Variants in CLEC2A observed in about 807,000 individuals in gnomAD.
CLEC2A encodes keratinocyte-associated C-type lectin.
In CLEC2A, 19 loss-of-function variants were observed where a neutral mutation model predicts 18.6. That is an observed-to-expected ratio of 1.02 (90% CI 0.71 to 1.50). The LOEUF (loss-of-function observed/expected upper bound fraction) is 1.50. CLEC2A is among the 40% of genes most tolerant of loss of function. The pLI is 0.00. For synonymous variants in CLEC2A, 74 were observed against 64.0 expected (o/e 1.16, Z -0.75); for missense variants, 190 against 207.9 (o/e 0.91, Z 0.53).
chr12:9,915,398 C>T (rs1168685860), intron 4 of CLEC2A, among the ~76,000 whole-genome samples: 1 of 152,058 alleles, frequency 6.6e-6, no homozygotes. Flanking sequence ...AAGACATATG[C>T]ACACATATGT....
intron 2 of CLEC2A, among the ~76,000 whole-genome samples, chr12:9,925,417 G>C (rs974563761): frequency 6.6e-6 from 1 of 152,164 alleles, no homozygotes; most frequent in Admixed American, 6.5e-5. Flanking sequence ...AAGCATTAGA[G>C]TTATACAGCC....
chr12:9,896,946 G>T (rs143005290), downstream of CLEC2A, among the ~76,000 whole-genome samples: 2 of 147,738 alleles, frequency 1.4e-5, no homozygotes, highest in Non-Finnish European at 3.0e-5. Flanking sequence ...TGCAACCTCC[G>T]CCTCCCAGGT....
downstream of CLEC2A, among the ~76,000 whole-genome samples, chr12:9,909,667 G>A (rs903458353): frequency 6.6e-6 from 1 of 152,226 alleles, no homozygotes; most frequent in African/African-American, 2.4e-5. Context: ...CCCAGGGATA[G>A]GGGATAAAGG....
At chr12:9,906,881 A>T (rs1862915229) in intron 4 of CLEC2A, among the ~76,000 whole-genome samples, 1 of 152,216 alleles carries the variant, frequency 6.6e-6, no homozygotes, top group South Asian at 2.1e-4. Flanking sequence ...CCCTGTTAAG[A>T]AACCTGCTGG....
chr12:9,905,022 A>G (rs1193610696), intron 4 of CLEC2A, among the ~76,000 whole-genome samples: 1 of 152,204 alleles, frequency 6.6e-6, no homozygotes, highest in African/African-American at 2.4e-5. Flanking sequence ...TCTCCACATG[A>G]GATAACTGAA....
chr12:9,898,266 C>T (rs1410816782), downstream of CLEC2A, among the ~76,000 whole-genome samples: 2 of 152,184 alleles, frequency 1.3e-5, no homozygotes, highest in African/African-American at 4.8e-5. Flanking sequence ...CCTCCTGGTC[C>T]TCAAAAGTGA....
chr12:9,883,116 C>T, the CLEC2A span, among the ~76,000 whole-genome samples: 276 of 152,290 alleles, frequency 1.8e-3, 3 homozygotes, highest in Admixed American at 0.017. Context: ...GCTTGCTATA[C>T]ATTTGCTTCC....
At chr12:9,913,031 A>T (rs1047763994), downstream of CLEC2A, among the ~76,000 whole-genome samples, 4 of 152,214 alleles carry the variant, frequency 2.6e-5, no homozygotes, top group Non-Finnish European at 1.5e-5. Flanking sequence ...AATGCCCTAT[A>T]GAATTTAAAT....
intron 4 of CLEC2A, among the ~76,000 whole-genome samples, chr12:9,916,493 ATG>A (rs1453648129): frequency 6.6e-6 from 1 of 152,188 alleles, no homozygotes; most frequent in Non-Finnish European, 1.5e-5. Flanking sequence ...AGATTTCACC[ATG>A]TGTCATTTAA....
downstream of CLEC2A, among the ~76,000 whole-genome samples, chr12:9,897,597 A>G (rs529635617): frequency 6.6e-6 from 1 of 150,894 alleles, no homozygotes; most frequent in Non-Finnish European, 1.5e-5. Flanking sequence ...TCCTGCCAAC[A>G]GTGCCACCTC....
the CLEC2A span, among the ~76,000 whole-genome samples, chr12:9,880,521 T>C: frequency 9.8e-6 from 1 of 102,322 alleles, no homozygotes; most frequent in Non-Finnish European, 1.8e-5. Context: ...ACCATTAGCA[T>C]GTGTGTGTGT....
downstream of CLEC2A, among the ~76,000 whole-genome samples, chr12:9,911,172 A>T (rs1346016941): frequency 6.6e-6 from 1 of 152,136 alleles, no homozygotes; most frequent in Non-Finnish European, 1.5e-5. Context: ...TAGATGAGTG[A>T]TGGGGGAGAA....
chr12:9,907,617 G>A (rs1224186999), intron 4 of CLEC2A, among the ~76,000 whole-genome samples: 1 of 152,110 alleles, frequency 6.6e-6, no homozygotes, highest in African/African-American at 2.4e-5. Flanking sequence ...GGTGTGTAGA[G>A]AAGGCAGCTA....
chr12:9,929,293 A>G (rs1307270782), intron 1 of CLEC2A, among the ~76,000 whole-genome samples: 1 of 152,130 alleles, frequency 6.6e-6, no homozygotes. Context: ...TTAGCATTGT[A>G]CTACACTATT....
the CLEC2A span, among the ~76,000 whole-genome samples, chr12:9,890,243 C>A: frequency 6.6e-6 from 1 of 152,246 alleles, no homozygotes; most frequent in African/African-American, 2.4e-5. Flanking sequence ...TGATATATAA[C>A]AAATTACCAC....
chr12:9,881,048 G>A, the CLEC2A span, among the ~76,000 whole-genome samples: 4 of 152,118 alleles, frequency 2.6e-5, no homozygotes, highest in Non-Finnish European at 4.4e-5. Context: ...AAGTGATTCC[G>A]ATTTTCACTA....
the CLEC2A span, among the ~76,000 whole-genome samples, chr12:9,879,002 G>A: frequency 6.6e-6 from 1 of 152,088 alleles, no homozygotes; most frequent in Admixed American, 6.5e-5. Flanking sequence ...AGCGGAATCA[G>A]GCTTTCTGAT....
rs989988640 is a variant in CLEC2A at position 9,919,849 on chromosome 12, C to T, written c.306+2217G>A. On this transcript the variant is annotated intron_variant, in intron 3 of 4. Coordinates refer to ENST00000455827, the MANE Select transcript of CLEC2A (RefSeq NM_001130711.2). Reference sequence around the variant, plus strand: ...TGCCAGGGAGGTACATAGCTATTACCGGCCCAAGAACACCTGTAGGAGGCA... The same window carrying T: ...TGCCAGGGAGGTACATAGCTATTACTGGCCCAAGAACACCTGTAGGAGGCA... Among the ~76,000 whole-genome samples the T allele has an allele frequency of 5.3e-5, 8 of 152,284 alleles. No homozygotes were observed. The East Asian group carries it at 5.8e-4, about 11-fold the overall frequency.
chr12:9,928,326 G>A (rs1320901975), intron 1 of CLEC2A, among the ~76,000 whole-genome samples: 2 of 152,088 alleles, frequency 1.3e-5, no homozygotes, highest in East Asian at 3.9e-4. Context: ...AATTAGCTGT[G>A]CATGATGGCA....
Sources: allele counts gnomAD v4.1 joint callset (sites outside exome capture counted in the v4.1 genomes callset), GRCh38; gene constraint gnomAD v4.1.1; transcripts MANE v1.5; gene names NCBI Gene and HGNC (gene_info 2026-07-23, HGNC 2026-07-21).